ERBB4: variants seen among roughly 807,000 people sequenced by gnomAD.
The protein encoded by ERBB4 is erb-b2 receptor tyrosine kinase 4, also known as receptor tyrosine-protein kinase erbB-4.
In ERBB4, 42 loss-of-function variants were observed where a neutral mutation model predicts 158.0. That is an observed-to-expected ratio of 0.27 (90% confidence interval 0.21 to 0.34). The LOEUF (loss-of-function observed/expected upper bound fraction) is 0.34. Among genes scored for constraint, ERBB4 ranks in the 10% least tolerant of loss-of-function variants. The pLI is 1.00. For synonymous variants in ERBB4, 583 were observed against 558.7 expected, an observed-to-expected ratio of 1.04 and a Z score of -0.61; for missense variants, 1,333 against 1,624.1, an observed-to-expected ratio of 0.82 and a Z score of 3.08.
At chr2:212,215,321 T>C (rs1339320328) in intron 1 of ERBB4, among the ~76,000 whole-genome samples, 1 of 151,560 alleles carries the variant, frequency 6.6e-6, no homozygotes, top group African/African-American at 2.4e-5. Flanking sequence ...AAACAGTCAC[T>C]ATATAATTAT....
rs1255553255 is a variant in ERBB4 at position 211,376,148 on chromosome 2, A to G, written c.*7467T>C. On this transcript the variant is annotated 3_prime_UTR_variant, in exon 28 of 28. Transcript: ENST00000342788. ...AAAAATCAAAATAACATTACACCACACACAATTGGCATATCCTATTGTGTA... is the reference window on the plus strand; with the variant it reads ...AAAAATCAAAATAACATTACACCACGCACAATTGGCATATCCTATTGTGTA... 8.6e-6 allele frequency: 2 copies of G among 233,066 alleles called. No individual in the cohort carries two copies. Among genetic ancestry groups the G allele is most frequent in the Non-Finnish European group, 1.7e-5 (2 of 117,774 alleles). The allele number at this position is 233,066 out of a possible 1,614,324, so 14.4% of individuals were successfully genotyped here.
intron 1 of ERBB4, among the ~76,000 whole-genome samples, chr2:212,341,032 C>T (rs1027830225): frequency 2.0e-5 from 3 of 151,994 alleles, no homozygotes; most frequent in Non-Finnish European, 4.4e-5. Flanking sequence ...ACAACTATGG[C>T]TCCATGTGTG....
intron 2 of ERBB4, among the ~76,000 whole-genome samples, chr2:211,972,292 T>C (rs1483309586): frequency 6.6e-6 from 1 of 152,224 alleles, no homozygotes; most frequent in Non-Finnish European, 1.5e-5. Flanking sequence ...TGCTCATGGA[T>C]AGGAAGAATC....
At chr2:212,471,397 G>T (rs1425183271) in intron 1 of ERBB4, among the ~76,000 whole-genome samples, 1 of 151,842 alleles carries the variant, frequency 6.6e-6, no homozygotes, top group Non-Finnish European at 1.5e-5. Flanking sequence ...CATTAATACA[G>T]AAATACAATA....
intron 1 of ERBB4, among the ~76,000 whole-genome samples, chr2:212,251,852 C>A (rs1478771813): frequency 6.6e-6 from 1 of 151,888 alleles, no homozygotes; most frequent in Non-Finnish European, 1.5e-5. Context: ...GGAAGTTAAC[C>A]ACTAACCAGA....
At chr2:211,853,024 G>C (rs1450711668) in intron 3 of ERBB4, among the ~76,000 whole-genome samples, 3 of 151,956 alleles carry the variant, frequency 2.0e-5, no homozygotes, top group Non-Finnish European at 4.4e-5. Flanking sequence ...ACTGGATCTA[G>C]TTCTGTCGAT....
intron 1 of ERBB4, among the ~76,000 whole-genome samples, chr2:212,320,009 T>A (rs1045514475): frequency 6.7e-6 from 1 of 150,110 alleles, no homozygotes; most frequent in Non-Finnish European, 1.5e-5. Flanking sequence ...TGGGTGGAAT[T>A]TTCCTCCATA....
Position 212,090,089 on chromosome 2 carries a change from C to G in ERBB4, c.234+34663G>C, listed in dbSNP as rs183773274. 2.0e-5 allele frequency among the ~76,000 whole-genome samples: 3 copies of G among 152,244 alleles called. No homozygotes were observed. In the East Asian group the frequency reaches 5.8e-4, roughly 29 times the overall value. On this transcript the variant is annotated intron_variant, in intron 2 of 27. Coordinates refer to ENST00000342788, the MANE Select transcript of ERBB4 (RefSeq NM_005235.3). ...TCACAGCTGTCAGCCTATCAGAAAC[C>G]TGCATGGAGATAAATGATGCCATTA...
intron 3 of ERBB4, among the ~76,000 whole-genome samples, chr2:211,902,290 G>A (rs1307294730): frequency 3.9e-5 from 6 of 151,968 alleles, no homozygotes; most frequent in African/African-American, 1.4e-4. Context: ...TAATGAAACG[G>A]TATAACGGTA....
intron 2 of ERBB4, among the ~76,000 whole-genome samples, chr2:211,967,634 G>A (rs2081342423): frequency 6.6e-6 from 1 of 151,834 alleles, no homozygotes; most frequent in South Asian, 2.1e-4. Context: ...CACTAATAAA[G>A]AATTACATAG....
intron 13 of ERBB4, among the ~76,000 whole-genome samples, chr2:211,677,245 C>A (rs1325303440): frequency 6.6e-6 from 1 of 152,050 alleles, no homozygotes; most frequent in Non-Finnish European, 1.5e-5. Context: ...GAAAGAACTT[C>A]AAAACTATAC....
At chr2:211,721,051 A>G (rs1216811181) in intron 7 of ERBB4, among the ~76,000 whole-genome samples, 1 of 152,126 alleles carries the variant, frequency 6.6e-6, no homozygotes, top group Non-Finnish European at 1.5e-5. Flanking sequence ...CCCTTTGGAA[A>G]TCTGGGTATG....
intron 2 of ERBB4, among the ~76,000 whole-genome samples, chr2:212,019,125 G>A (rs1042942622): frequency 6.6e-6 from 1 of 152,120 alleles, no homozygotes; most frequent in African/African-American, 2.4e-5. Flanking sequence ...GAAGGGTAGA[G>A]GAAGTACCTA....
At chr2:211,889,419 C>A (rs1219281717) in intron 3 of ERBB4, among the ~76,000 whole-genome samples, 2 of 147,522 alleles carry the variant, frequency 1.4e-5, no homozygotes, top group African/African-American at 2.6e-5. Context: ...CATCAAAGAC[C>A]AAAAGTAGAT....
At chr2:211,848,678 A>G (rs912259202) in intron 3 of ERBB4, among the ~76,000 whole-genome samples, 4 of 152,106 alleles carry the variant, frequency 2.6e-5, no homozygotes, top group Admixed American at 1.3e-4. Flanking sequence ...ATCCTGCCAC[A>G]AAAAGTACTA....
rs1347915886 is a variant in ERBB4 at position 212,125,008 on chromosome 2, C to A, written c.83-105G>T. 3 of 1,330,496 alleles carry A rather than the reference C, an allele frequency of 2.3e-6. No homozygotes were observed. In the South Asian group the frequency reaches 3.7e-5, roughly 16 times the overall value. 82.4% of individuals were successfully genotyped at this position (1,330,496 alleles called of 1,614,324 possible). On this transcript the variant is annotated intron_variant, in intron 1 of 27. Transcript: ENST00000342788. ...TCTATTCCACAAGCCTATCCCAGTT[C>A]TCTGAATATAAATATTTCGATCGTC...
intron 17 of ERBB4, among the ~76,000 whole-genome samples, chr2:211,628,675 G>T (rs1280132215): frequency 1.3e-5 from 2 of 152,154 alleles, no homozygotes; most frequent in Non-Finnish European, 2.9e-5. Context: ...AATCCTTTGG[G>T]TATATACCCA....
intron 2 of ERBB4, among the ~76,000 whole-genome samples, chr2:211,953,002 T>C (rs943092408): frequency 7.2e-5 from 11 of 152,212 alleles, no homozygotes; most frequent in African/African-American, 2.4e-4. Flanking sequence ...TCAGAAATGG[T>C]TCCTTATACT....
intron 1 of ERBB4, among the ~76,000 whole-genome samples, chr2:212,209,990 A>G (rs566860921): frequency 6.6e-6 from 1 of 152,172 alleles, no homozygotes; most frequent in Non-Finnish European, 1.5e-5. Flanking sequence ...GAGATAGAAT[A>G]GGTAGAAAAG....
Sources: allele counts gnomAD v4.1 joint callset (sites outside exome capture counted in the v4.1 genomes callset), GRCh38; gene constraint gnomAD v4.1.1; transcripts MANE v1.5; gene names NCBI Gene and HGNC (gene_info 2026-07-23, HGNC 2026-07-21).